The following ABHD1 variants were observed in gnomAD, a reference collection of about 807,000 sequenced individuals.
ABHD1 encodes the protein abhydrolase domain containing 1.
A neutral mutation model predicts 41.4 loss-of-function variants in ABHD1; 47 were observed. The observed-to-expected ratio is 1.13, with a 90% CI of 0.90 to 1.45. The LOEUF (loss-of-function observed/expected upper bound fraction) is 1.45, where lower values mean the gene tolerates loss of function less well. Ranked by LOEUF, ABHD1 falls within the 40% of genes most tolerant of loss-of-function variation. The pLI is 0.00. For missense variants in ABHD1, 550 were observed against 503.4 expected (o/e 1.09, Z -0.89); for synonymous variants, 205 against 203.7 (o/e 1.01, Z -0.05).
Position 27,124,016 on chromosome 2 carries a change from T to C in ABHD1, c.68T>C (p.Leu23Pro), listed in dbSNP as rs1469315667. The C allele has an allele frequency of 1.2e-6, 2 of 1,614,122 alleles. No homozygotes were observed. Among genetic ancestry groups the C allele is most frequent in the African/African-American group, 2.7e-5 (2 of 74,944 alleles). The change falls in exon 1 of 9, where the codon CTT becomes CCT. Residue 23 changes from leucine to proline, a missense_variant. Leu to Pro is a moderately conservative substitution (Grantham distance 98). Transcript: ENST00000316470. ...WADTFSLLLALAVALYLGYYW... is the reference protein window; with the variant it reads ...WADTFSLLLAPAVALYLGYYW... ...GACACCTTCTCTCTGCTCTTGGCTC[T>C]TGCCGTTGCCCTCTACTTGGGCTAC...
chr2:27,128,655 CCTAT>C, intron 2 of ABHD1, 54 bp downstream of exon 2: 6 of 1,599,670 alleles, frequency 3.8e-6, no homozygotes, highest in East Asian at 2.2e-5. Flanking sequence ...TAGGGAAAAA[CCTAT>C]CTACCACTTT....
chr2:27,128,304 A>T, intron 1 of ABHD1, 137 bp from the exon 2 acceptor site: 1 of 1,023,092 alleles, frequency 9.8e-7, no homozygotes, highest in Non-Finnish European at 1.5e-6. Flanking sequence ...AGCTGTGCTG[A>T]GTATCTCACA....
intron 4 of ABHD1, 31 bp downstream of exon 4, chr2:27,129,392 T>A (rs745757984): frequency 6.2e-7 from 1 of 1,613,892 alleles, no homozygotes; most frequent in Admixed American, 1.7e-5. Flanking sequence ...TAGCAGCCCT[T>A]CACCCACTCC....
Position 27,128,986 on chromosome 2 carries a change from A to G in ABHD1, c.317A>G (p.Asp106Gly). ...CCAGATGGAGGCCAGCTCCTGCTAG[A>G]CTGGGCCAAGCAGCCTGACAGCAGC... is the stretch of plus-strand genomic sequence containing the variant. ...QTPDGGQLLL[D>G]WAKQPDSSQD... The change falls in exon 3 of 9, where the codon GAC (aspartate) becomes GGC (glycine). Residue 106 changes from aspartate to glycine, a missense_variant. Asp to Gly is a moderately conservative substitution (Grantham distance 94). Transcript: ENST00000316470. 6.2e-7 allele frequency: 1 copy of G among 1,614,152 alleles called. No individual in the cohort carries two copies. Among genetic ancestry groups the G allele is most frequent in the Non-Finnish European group, 8.5e-7 (1 of 1,180,024 alleles).
In ABHD1 at chr2:27,128,425, T is replaced by G; in HGVS notation, c.115-16T>G. 1 of 1,613,710 alleles carries G rather than the reference T, an allele frequency of 6.2e-7. No homozygotes were observed. Among genetic ancestry groups the G allele is most frequent in the African/African-American group, 1.3e-5 (1 of 74,992 alleles). ...CAAAAGTCAGGGAAGTGGGGCAGACTGCTGTGTGATTACAGAGGCCTCGGC... is the reference window on the plus strand; with the variant it reads ...CAAAAGTCAGGGAAGTGGGGCAGACGGCTGTGTGATTACAGAGGCCTCGGC... On this transcript the variant is annotated splice_polypyrimidine_tract_variant and intron_variant, in intron 1 of 8. Coordinates refer to ENST00000316470, the MANE Select transcript of ABHD1 (RefSeq NM_032604.4).
At chr2:27,127,999 A>G (rs1271171819) in intron 1 of ABHD1, among the ~76,000 whole-genome samples, 1 of 152,186 alleles carries the variant, frequency 6.6e-6, no homozygotes, top group Non-Finnish European at 1.5e-5. Context: ...CCCAGGCTAG[A>G]GTACAGTGGT....
intron 4 of ABHD1, 68 bp downstream of exon 4, chr2:27,129,429 C>T: frequency 6.2e-7 from 1 of 1,611,576 alleles, no homozygotes; most frequent in South Asian, 1.1e-5. Flanking sequence ...CCCTGGGGCT[C>T]ACCTCCTACC....
chr2:27,128,320 A>C (rs1672061313), intron 1 of ABHD1, 121 bp from the exon 2 acceptor site: 1 of 1,215,286 alleles, frequency 8.2e-7, no homozygotes, highest in African/African-American at 1.5e-5. Context: ...TCACATGCAG[A>C]CAAAGCAGGG....
chr2:27,123,940 C>G lies in ABHD1; in HGVS notation c.-9C>G. 1 of 1,613,030 alleles carries G rather than the reference C, an allele frequency of 6.2e-7. No homozygotes were observed. The highest frequency in any genetic ancestry group is 8.5e-7 in the Non-Finnish European group (1 of 1,178,954). The stretch of plus-strand genomic sequence containing the variant: ...CAGGAGCCTGAGGGTCGGAAGCCCC[C>G]AACACAAGATGCTGAGCTCCTTCCT... On this transcript the variant is annotated 5_prime_UTR_variant, in exon 1 of 9. Coordinates refer to ENST00000316470, the MANE Select transcript of ABHD1 (RefSeq NM_032604.4).
intron 5 of ABHD1, 58 bp from the exon 6 acceptor site, chr2:27,129,696 T>C (rs1672142669): frequency 6.2e-7 from 1 of 1,610,450 alleles, no homozygotes; most frequent in Non-Finnish European, 8.5e-7. Flanking sequence ...CCCCTTCCTC[T>C]GTCCCAACCC....
At chr2:27,128,397 G>C (rs376905312) in intron 1 of ABHD1, 44 bp from the exon 2 acceptor site, 1 of 1,611,754 alleles carries the variant, frequency 6.2e-7, no homozygotes, top group Non-Finnish European at 8.5e-7. Flanking sequence ...CACTAGCTTG[G>C]TGCAAAAGTC....
intron 3 of ABHD1, 42 bp from the exon 4 acceptor site, chr2:27,129,274 G>A: frequency 6.2e-7 from 1 of 1,612,886 alleles, no homozygotes; most frequent in Non-Finnish European, 8.5e-7. Context: ...GGGGAGAGGG[G>A]CTAAGAAGGG....
At chr2:27,127,575 A>G (rs1291652811) in intron 1 of ABHD1, among the ~76,000 whole-genome samples, 2 of 129,198 alleles carry the variant, frequency 1.5e-5, no homozygotes, top group Non-Finnish European at 3.4e-5. Flanking sequence ...AAAAAAAGAA[A>G]AAAAAAAGAT....
At chr2:27,129,995 G>A (rs1482026708) in intron 6 of ABHD1, 68 bp downstream of exon 6, 1 of 1,610,920 alleles carries the variant, frequency 6.2e-7, no homozygotes, top group East Asian at 2.2e-5. Context: ...GGCTCTCCTA[G>A]TGCTTGGTCA....
chr2:27,129,846 C>A lies in ABHD1; in HGVS notation c.710C>A (p.Thr237Asn). The change falls in exon 6 of 9, where the codon ACC becomes AAC. Residue 237 changes from threonine (T) to asparagine (N), a missense_variant. Coordinates refer to ENST00000316470, the MANE Select transcript of ABHD1 (RefSeq NM_032604.4). The part of the protein sequence containing the change: ...TLSACWDSFE[T>N]TRSLETPLNS... Reference sequence around the variant, plus strand: ...TCTGCATGCTGGGATTCCTTTGAGACCACTCGCTCCCTGGAAACCCCACTC... The same window carrying A: ...TCTGCATGCTGGGATTCCTTTGAGAACACTCGCTCCCTGGAAACCCCACTC... 1.2e-6 allele frequency: 2 copies of A among 1,614,178 alleles called. No individual in the cohort carries two copies. Among genetic ancestry groups the A allele is most frequent in the Non-Finnish European group, 8.5e-7 (1 of 1,180,052 alleles).
In ABHD1 at chr2:27,123,926, G is replaced by T. The variant is rs1352224220; in HGVS notation, c.-23G>T. 1 of 1,606,444 alleles carries T rather than the reference G, an allele frequency of 6.2e-7. No homozygotes were observed. Among genetic ancestry groups the T allele is most frequent in the East Asian group, 2.2e-5 (1 of 44,822 alleles). Reference sequence around the variant, plus strand: ...CAACTGGGGCCAGCCAGGAGCCTGAGGGTCGGAAGCCCCCAACACAAGATG... The same window carrying T: ...CAACTGGGGCCAGCCAGGAGCCTGATGGTCGGAAGCCCCCAACACAAGATG... On this transcript the variant is annotated 5_prime_UTR_variant, in exon 1 of 9. It adds an upstream start codon to the 5' untranslated region. Transcript: ENST00000316470.
intron 2 of ABHD1, 92 bp from the exon 3 acceptor site, chr2:27,128,853 A>G: frequency 6.9e-7 from 1 of 1,441,096 alleles, no homozygotes; most frequent in African/African-American, 1.4e-5. Flanking sequence ...GGGAAGTGAT[A>G]AGACTTGTTT....
At chr2:27,130,023 T>G in intron 6 of ABHD1, 82 bp from the exon 7 acceptor site, 1 of 1,610,626 alleles carries the variant, frequency 6.2e-7, no homozygotes, top group Non-Finnish European at 8.5e-7. Flanking sequence ...CTGGGCTTCC[T>G]CACACATGAG....
At chr2:27,130,492 C>G (rs1223083139) in intron 8 of ABHD1, 41 bp from the exon 9 acceptor site, 1 of 1,611,430 alleles carries the variant, frequency 6.2e-7, no homozygotes, top group Non-Finnish European at 8.5e-7. Flanking sequence ...GCCTGGGCTC[C>G]CAGTGAAGGC....
Sources: gnomAD v4.1 joint callset for allele counts (sites outside exome capture counted in the v4.1 genomes callset) on GRCh38, gnomAD v4.1.1 for gene constraint, MANE v1.5 for transcripts, NCBI Gene and HGNC (gene_info 2026-07-23, HGNC 2026-07-21) for gene names.